The following MCM5 variants were observed in gnomAD, a reference collection of about 807,000 sequenced individuals.
The protein encoded by MCM5 is DNA replication licensing factor MCM5.
In MCM5, 46 loss-of-function variants were observed where a neutral mutation model predicts 79.9. That is an observed-to-expected ratio of 0.58 (90% confidence interval 0.45 to 0.74). The LOEUF (loss-of-function observed/expected upper bound fraction) is 0.74. Ranked by LOEUF, MCM5 falls within the 30% of genes least tolerant of loss-of-function variation. The pLI, the probability that MCM5 is intolerant of heterozygous loss-of-function variation, is 0.00. For missense variants in MCM5, 883 were observed against 1,017.0 expected (o/e 0.87, Z 1.79); for synonymous variants, 404 against 390.5 (o/e 1.03, Z -0.41).
At chr22:35,448,182 C>T in the MCM5 span, among the ~76,000 whole-genome samples, 3 of 152,188 alleles carry the variant, frequency 2.0e-5, no homozygotes, top group Admixed American at 6.5e-5. Context: ...TCTCAGTTTC[C>T]TCTTCTAGAA....
At chr22:35,432,246 G>A in the MCM5 span, among the ~76,000 whole-genome samples, 23 of 152,152 alleles carry the variant, frequency 1.5e-4, no homozygotes, top group Non-Finnish European at 2.5e-4. Flanking sequence ...GAACGTCAGC[G>A]CCAGCATGAA....
chr22:35,431,259 G>A, the MCM5 span, among the ~76,000 whole-genome samples: 1 of 152,190 alleles, frequency 6.6e-6, no homozygotes, highest in Non-Finnish European at 1.5e-5. Flanking sequence ...TGCTCCAGCG[G>A]AAGTGGGTAT....
At chr22:35,407,464 G>A (rs1386661580) in intron 5 of MCM5, among the ~76,000 whole-genome samples, 1 of 151,418 alleles carries the variant, frequency 6.6e-6, no homozygotes, top group Non-Finnish European at 1.5e-5. Flanking sequence ...GTCAAGTCCT[G>A]CACAGCCCAC....
the MCM5 span, among the ~76,000 whole-genome samples, chr22:35,433,153 C>G: frequency 3.6e-4 from 54 of 152,066 alleles, 1 homozygote; most frequent in Non-Finnish European, 6.9e-4. Context: ...CCAGGCTAGC[C>G]TCAAGCTTGA....
the MCM5 span, among the ~76,000 whole-genome samples, chr22:35,444,892 C>G: frequency 6.6e-6 from 1 of 152,182 alleles, no homozygotes; most frequent in South Asian, 2.1e-4. Flanking sequence ...AAGTTGCCCA[C>G]GCATGCTCCC....
the MCM5 span, among the ~76,000 whole-genome samples, chr22:35,446,610 T>A: frequency 6.6e-6 from 1 of 151,934 alleles, no homozygotes; most frequent in Non-Finnish European, 1.5e-5. Context: ...CACTACGGCA[T>A]GTGGAGGGGA....
At chr22:35,438,608 C>A in the MCM5 span, among the ~76,000 whole-genome samples, 2 of 149,358 alleles carry the variant, frequency 1.3e-5, no homozygotes, top group African/African-American at 5.0e-5. Context: ...TCCACCCACC[C>A]ACATATTCAT....
chr22:35,407,890 T>G (rs1407772769), intron 5 of MCM5, among the ~76,000 whole-genome samples: 2 of 152,244 alleles, frequency 1.3e-5, no homozygotes, highest in Admixed American at 6.5e-5. Context: ...CTGTGCCCCC[T>G]GCACCTGGAA....
chr22:35,421,955 C>T lies in MCM5; in HGVS notation c.1975+495C>T, dbSNP rs1177740304. The T allele has an allele frequency of 1.2e-4, 30 of 254,134 alleles. No homozygotes were observed. In the South Asian group the frequency reaches 1.2e-3, roughly 10 times the overall value. 15.7% of individuals were successfully genotyped at this position (254,134 alleles called of 1,614,324 possible). ...GCAAGTCTCCTGGCCCCTAGGCCAGCGTTTTCCACACCATAAGCCATACTG... is the reference window on the plus strand; with the variant it reads ...GCAAGTCTCCTGGCCCCTAGGCCAGTGTTTTCCACACCATAAGCCATACTG... On this transcript the variant is annotated intron_variant, in intron 15 of 16. Coordinates refer to ENST00000216122, the MANE Select transcript of MCM5 (RefSeq NM_006739.4).
intron 5 of MCM5, among the ~76,000 whole-genome samples, chr22:35,407,372 C>T (rs1299512256): frequency 6.6e-6 from 1 of 152,186 alleles, no homozygotes; most frequent in Non-Finnish European, 1.5e-5. Flanking sequence ...CCCCCGCGTC[C>T]ACCCTCCACC....
At chr22:35,402,659 T>G (rs1325309956) in intron 2 of MCM5, among the ~76,000 whole-genome samples, 1 of 152,108 alleles carries the variant, frequency 6.6e-6, no homozygotes, top group East Asian at 1.9e-4. Context: ...GTTCAGGCAT[T>G]CTCATGCCTC....
chr22:35,436,656 T>C, the MCM5 span, among the ~76,000 whole-genome samples: 1 of 152,014 alleles, frequency 6.6e-6, no homozygotes, highest in Non-Finnish European at 1.5e-5. Flanking sequence ...GCTGCTCAGC[T>C]CTCCCCAGCC....
At chr22:35,439,317 A>C in the MCM5 span, among the ~76,000 whole-genome samples, 2 of 151,700 alleles carry the variant, frequency 1.3e-5, no homozygotes, top group Non-Finnish European at 2.9e-5. Context: ...CCAACCACCC[A>C]CCCATCCATC....
chr22:35,438,780 TATTCATCC>T, the MCM5 span, among the ~76,000 whole-genome samples: 2 of 46,068 alleles, frequency 4.3e-5, no homozygotes, highest in Non-Finnish European at 8.3e-5. Flanking sequence ...CCCACCCACA[TATTCATCC>T]ATCCATCCAT....
At chr22:35,415,194 A>G (rs1932506645) in intron 9 of MCM5, among the ~76,000 whole-genome samples, 1 of 152,204 alleles carries the variant, frequency 6.6e-6, no homozygotes, top group Non-Finnish European at 1.5e-5. Context: ...CCCCGTTTCA[A>G]TTTAAAAGGA....
chr22:35,427,517 C>CAAA (rs1202681315), downstream of MCM5, among the ~76,000 whole-genome samples: 12 of 145,618 alleles, frequency 8.2e-5, no homozygotes, highest in Non-Finnish European at 1.8e-4. Flanking sequence ...TTTTGGCTTT[C>CAAA]AAGGCCTTTA....
chr22:35,425,333 CATTAG>C lies in MCM5; in HGVS notation c.*1081_*1085del, dbSNP rs1365599543. 1 of 152,138 alleles carries C rather than the reference CATTAG, an allele frequency of 6.6e-6. No individual in the cohort carries two copies. Among genetic ancestry groups the C allele is most frequent in the Admixed American group, 6.5e-5 (1 of 15,280 alleles). 9.4% of individuals were successfully genotyped at this position (152,138 alleles called of 1,614,324 possible). On this transcript the variant is annotated 3_prime_UTR_variant, in exon 17 of 17. Coordinates refer to ENST00000216122, the MANE Select transcript of MCM5 (RefSeq NM_006739.4). ...AACGTGAATTTGGAAATCTATGGAA[CATTAG>C]ATAAGGTATTTAAAAGTAATTGCCA...
the MCM5 span, among the ~76,000 whole-genome samples, chr22:35,431,859 G>T: frequency 6.6e-6 from 1 of 152,148 alleles, no homozygotes; most frequent in Non-Finnish European, 1.5e-5. Flanking sequence ...CCTCCTTCCA[G>T]AAACACCCTG....
At position 35,408,402 on chromosome 22, in the gene MCM5, G is replaced by A. The variant is rs1180721927; in HGVS notation, c.597-6G>A. On this transcript the variant is annotated splice_region_variant and splice_polypyrimidine_tract_variant and intron_variant, in intron 5 of 16. Coordinates refer to ENST00000216122, the MANE Select transcript of MCM5 (RefSeq NM_006739.4). ...TTTGGTGACTCTTTTCCCTTACCTT[G>A]TACAGAGATCAGGCTGGGCGCCCCA... 5 of 1,613,144 alleles carry A rather than the reference G, an allele frequency of 3.1e-6. No homozygotes were observed. Among genetic ancestry groups the A allele is most frequent in the Non-Finnish European group, 4.2e-6 (5 of 1,179,330 alleles).
Sources: gnomAD v4.1 joint callset for allele counts (sites outside exome capture counted in the v4.1 genomes callset) on GRCh38, gnomAD v4.1.1 for gene constraint, MANE v1.5 for transcripts, NCBI Gene and HGNC (gene_info 2026-07-23, HGNC 2026-07-21) for gene names.